ITSN2: variants seen among roughly 807,000 people sequenced by gnomAD.
ITSN2 encodes the protein intersectin-2.
ITSN2 carries 156 observed loss-of-function variants against 243.7 expected under a neutral mutation model. The ratio of observed to expected loss-of-function variants is 0.64; its 90% CI spans 0.56 to 0.73. ITSN2 has a LOEUF of 0.73. Among genes scored for constraint, ITSN2 ranks in the 30% least tolerant of loss-of-function variants. The pLI, the probability that ITSN2 is intolerant of heterozygous loss-of-function variation, is 0.00. For missense variants in ITSN2, 1,801 were observed against 1,996.1 expected (o/e 0.90, Z 1.86); for synonymous variants, 703 against 699.9 (o/e 1.00, Z -0.07).
intron 1 of ITSN2, among the ~76,000 whole-genome samples, chr2:24,329,157 G>T (rs539756507): frequency 1.3e-5 from 2 of 152,342 alleles, no homozygotes; most frequent in African/African-American, 4.8e-5. Context: ...CAAACAACCA[G>T]AAAAGGAGAG....
chr2:24,272,002 A>T (rs904058571), intron 18 of ITSN2, 61 bp from the exon 19 acceptor site: 1 of 1,292,120 alleles, frequency 7.7e-7, no homozygotes, highest in South Asian at 1.5e-5. Flanking sequence ...CTAAATAAAA[A>T]CATACTAAGA....
intron 1 of ITSN2, among the ~76,000 whole-genome samples, chr2:24,347,070 G>A (rs935327671): frequency 6.6e-5 from 10 of 151,770 alleles, no homozygotes; most frequent in Non-Finnish European, 2.9e-5. Context: ...TCACCATATT[G>A]GCCAGGCTGG....
chr2:24,290,525 T>C (rs917517927), intron 15 of ITSN2, among the ~76,000 whole-genome samples: 4 of 152,254 alleles, frequency 2.6e-5, no homozygotes, highest in Admixed American at 2.0e-4. Flanking sequence ...TTCATGACTC[T>C]ATGTATTGTT....
chr2:24,357,493 G>C (rs890378544), intron 1 of ITSN2, among the ~76,000 whole-genome samples: 1 of 152,158 alleles, frequency 6.6e-6, no homozygotes, highest in Non-Finnish European at 1.5e-5. Context: ...AATGAGGGAA[G>C]GGGACTTAGA....
intron 37 of ITSN2, among the ~76,000 whole-genome samples, chr2:24,207,892 GAGAC>G (rs1162637005): frequency 1.3e-5 from 2 of 151,792 alleles, no homozygotes; most frequent in Admixed American, 6.6e-5. Context: ...GAGCTGAAGG[GAGAC>G]AGACCACAGG....
At chr2:24,317,256 T>G (rs1021226948) in intron 2 of ITSN2, among the ~76,000 whole-genome samples, 5 of 151,950 alleles carry the variant, frequency 3.3e-5, no homozygotes, top group Admixed American at 2.6e-4. Context: ...TGATGGTGGG[T>G]GCCTGTAGTC....
Position 24,271,826 on chromosome 2 carries a change from G to T in ITSN2, c.2197C>A (p.Arg733=), listed in dbSNP as rs776569610. The T allele has an allele frequency of 6.2e-7, 1 of 1,608,884 alleles. No homozygotes were observed. Among genetic ancestry groups the T allele is most frequent in the Non-Finnish European group, 8.5e-7 (1 of 1,178,932 alleles). ...TTACGTTGTTTCTCCTCAGCTTTCCGTTCCTCTTCTTGAATTTTTTCTTGT... is the reference window on the plus strand; with the variant it reads ...TTACGTTGTTTCTCCTCAGCTTTCCTTTCCTCTTCTTGAATTTTTTCTTGT... ...KTQEKIQEEE[R]KAEEKQRKDK... The change falls in exon 19 of 40, where the codon CGG becomes AGG. Residue 733 remains arginine, a synonymous_variant. Coordinates refer to ENST00000355123, the MANE Select transcript of ITSN2 (RefSeq NM_006277.3).
At chr2:24,352,260 A>AAC (rs1053123539) in intron 1 of ITSN2, among the ~76,000 whole-genome samples, 11 of 152,220 alleles carry the variant, frequency 7.2e-5, no homozygotes, top group Admixed American at 6.5e-5. Flanking sequence ...ATGTCTGGAA[A>AAC]ACATCTGGCA....
chr2:24,238,336 G>C (rs1439900272), intron 29 of ITSN2, among the ~76,000 whole-genome samples: 1 of 152,110 alleles, frequency 6.6e-6, no homozygotes, highest in Non-Finnish European at 1.5e-5. Flanking sequence ...CTTCATACAT[G>C]TTAGTTGAAT....
intron 1 of ITSN2, among the ~76,000 whole-genome samples, chr2:24,344,935 G>T (rs997198219): frequency 6.6e-6 from 1 of 152,170 alleles, no homozygotes; most frequent in Admixed American, 6.6e-5. Flanking sequence ...CTGGATAATA[G>T]AGTGAGACTA....
At chr2:24,267,631 T>C (rs1032320056) in intron 20 of ITSN2, among the ~76,000 whole-genome samples, 1 of 152,176 alleles carries the variant, frequency 6.6e-6, no homozygotes, top group African/African-American at 2.4e-5. Flanking sequence ...CACAGCTCAC[T>C]GTAGCCTTGA....
intron 31 of ITSN2, among the ~76,000 whole-genome samples, chr2:24,217,542 T>C (rs547137104): frequency 1.3e-5 from 2 of 152,286 alleles, no homozygotes; most frequent in African/African-American, 4.8e-5. Context: ...CACATGGGGA[T>C]AGAGACTTAG....
Position 24,313,581 on chromosome 2 carries a change from G to A in ITSN2, c.125-58C>T, listed in dbSNP as rs924875481. 7 of 1,228,230 alleles carry A rather than the reference G, an allele frequency of 5.7e-6. No homozygotes were observed. The Admixed American group carries it at 1.1e-4, about 19-fold the overall frequency. 76.1% of individuals were successfully genotyped at this position (1,228,230 alleles called of 1,614,324 possible). A position where few individuals can be genotyped will look rare whatever the true frequency, so the allele number is the denominator to read the frequency against. ...CATTAGTAAATGAAATTATTCCAAT[G>A]CTTCTGAATAATAATGGGTATATGT... On this transcript the variant is annotated intron_variant, in intron 3 of 39. Coordinates refer to ENST00000355123, the MANE Select transcript of ITSN2 (RefSeq NM_006277.3).
chr2:24,231,384 T>A (rs1376993499), intron 29 of ITSN2, among the ~76,000 whole-genome samples: 1 of 152,224 alleles, frequency 6.6e-6, no homozygotes, highest in Non-Finnish European at 1.5e-5. Context: ...CAGGAGACAG[T>A]ACAGCAGTGT....
intron 2 of ITSN2, among the ~76,000 whole-genome samples, chr2:24,327,064 T>C (rs367580033): frequency 1.2e-4 from 18 of 152,022 alleles, no homozygotes; most frequent in African/African-American, 4.3e-4. Flanking sequence ...CTGATATTTA[T>C]CTACAATTAG....
chr2:24,214,674 T>C (rs1281984471), intron 32 of ITSN2, among the ~76,000 whole-genome samples: 2 of 152,202 alleles, frequency 1.3e-5, no homozygotes, highest in African/African-American at 4.8e-5. Context: ...AGTTACATTT[T>C]ATTACCTCTC....
chr2:24,209,801 A>G lies in ITSN2; in HGVS notation c.4473+17T>C. 1.2e-6 allele frequency: 2 copies of G among 1,602,748 alleles called. No individual in the cohort carries two copies. Among genetic ancestry groups the G allele is most frequent in the Non-Finnish European group, 1.7e-6 (2 of 1,169,520 alleles). ...TCATTAGGCCCCTGATGCTACCCCCAGACGCGTGATACTCACCGTTTTATA... is the reference window on the plus strand; with the variant it reads ...TCATTAGGCCCCTGATGCTACCCCCGGACGCGTGATACTCACCGTTTTATA... On this transcript the variant is annotated intron_variant, in intron 35 of 39. Coordinates refer to ENST00000355123, the MANE Select transcript of ITSN2 (RefSeq NM_006277.3).
At chr2:24,281,396 A>T (rs1460402069) in intron 17 of ITSN2, among the ~76,000 whole-genome samples, 1 of 151,410 alleles carries the variant, frequency 6.6e-6, no homozygotes, top group African/African-American at 2.4e-5. Flanking sequence ...CTTTATTAAC[A>T]CCCCTTCCTC....
intron 28 of ITSN2, 126 bp downstream of exon 28, chr2:24,246,671 C>G (rs1673411446): frequency 1.6e-6 from 1 of 638,446 alleles, no homozygotes; most frequent in South Asian, 2.1e-5. Flanking sequence ...AGTGGCATGT[C>G]CCTTTTAAGC....
Sources: gnomAD v4.1 joint callset for allele counts (sites outside exome capture counted in the v4.1 genomes callset) on GRCh38, gnomAD v4.1.1 for gene constraint, MANE v1.5 for transcripts, NCBI Gene and HGNC (gene_info 2026-07-23, HGNC 2026-07-21) for gene names.